The following TUSC3 variants were observed in gnomAD, a reference collection of about 807,000 sequenced individuals.
The protein encoded by TUSC3 is dolichyl-diphosphooligosaccharide--protein glycosyltransferase subunit TUSC3.
Under a neutral mutation model 44.8 loss-of-function variants are expected in TUSC3, and 45 were observed. The ratio of observed to expected loss-of-function variants is 1.00; its 90% CI spans 0.79 to 1.29. The LOEUF is 1.29. Ranked by LOEUF, TUSC3 falls within the 50% of genes most tolerant of loss-of-function variation. TUSC3 has a pLI of 0.00. For synonymous variants in TUSC3, 212 were observed against 152.9 expected (o/e 1.39, Z -2.85); for missense variants, 519 against 437.9 (o/e 1.19, Z -1.65).
intron 1 of TUSC3, among the ~76,000 whole-genome samples, chr8:15,575,998 C>A (rs958909465): frequency 1.3e-5 from 2 of 151,868 alleles, no homozygotes; most frequent in East Asian, 3.9e-4. Flanking sequence ...ATAACTGTTT[C>A]ACATTTTGAA....
chr8:15,454,377 G>A (rs1800230410), intron 1 of TUSC3, among the ~76,000 whole-genome samples: 1 of 152,080 alleles, frequency 6.6e-6, no homozygotes, highest in Non-Finnish European at 1.5e-5. Context: ...GGCAAGCATC[G>A]AGGTTGCTGC....
At chr8:15,769,810 TAAAG>T (rs1812409503), downstream of TUSC3, among the ~76,000 whole-genome samples, 1 of 152,120 alleles carries the variant, frequency 6.6e-6, no homozygotes, top group Non-Finnish European at 1.5e-5. Context: ...CCACAAACGT[TAAAG>T]AAAGCTCATC....
chr8:15,719,307 C>CCATGTG (rs1810198915), intron 6 of TUSC3, among the ~76,000 whole-genome samples: 1 of 151,958 alleles, frequency 6.6e-6, no homozygotes, highest in South Asian at 2.1e-4. Flanking sequence ...CCCCCAGAAT[C>CCATGTG]CATGTGACTA....
At chr8:15,725,040 A>G (rs1393858490) in intron 6 of TUSC3, among the ~76,000 whole-genome samples, 1 of 152,160 alleles carries the variant, frequency 6.6e-6, no homozygotes, top group Non-Finnish European at 1.5e-5. Flanking sequence ...TCTTAGTTTC[A>G]TTTGTCATTT....
intron 2 of TUSC3, among the ~76,000 whole-genome samples, chr8:15,507,517 A>T (rs942495935): frequency 2.0e-5 from 3 of 152,140 alleles, no homozygotes; most frequent in African/African-American, 7.2e-5. Flanking sequence ...TAATTTCTAT[A>T]ATTAAGGAAA....
chr8:15,471,473 T>A (rs1800493106), intron 1 of TUSC3, among the ~76,000 whole-genome samples: 1 of 152,192 alleles, frequency 6.6e-6, no homozygotes, highest in Non-Finnish European at 1.5e-5. Context: ...AATATCTTAA[T>A]ACTAATAAAA....
At chr8:15,676,526 T>G (rs1808197731) in intron 6 of TUSC3, among the ~76,000 whole-genome samples, 1 of 152,208 alleles carries the variant, frequency 6.6e-6, no homozygotes, top group African/African-American at 2.4e-5. Context: ...TTTTGAGGTC[T>G]TATCCATAAA....
intron 1 of TUSC3, among the ~76,000 whole-genome samples, chr8:15,417,828 A>C (rs965748883): frequency 6.6e-5 from 10 of 152,126 alleles, no homozygotes; most frequent in Admixed American, 4.6e-4. Flanking sequence ...TGTGCTGTTG[A>C]ATAAGACTGC....
intron 1 of TUSC3, among the ~76,000 whole-genome samples, chr8:15,615,677 C>T (rs1804957367): frequency 6.6e-6 from 1 of 151,980 alleles, no homozygotes; most frequent in Admixed American, 6.6e-5. Flanking sequence ...TTCTAATTAC[C>T]CTGATTTAAA....
chr8:15,629,997 T>A (rs1805688882), intron 2 of TUSC3, among the ~76,000 whole-genome samples: 1 of 138,332 alleles, frequency 7.2e-6, no homozygotes, highest in African/African-American at 2.6e-5. Context: ...TCACCTCCCT[T>A]AAGTGTTAGC....
At chr8:15,608,996 A>C (rs910508286) in intron 1 of TUSC3, among the ~76,000 whole-genome samples, 7 of 152,160 alleles carry the variant, frequency 4.6e-5, no homozygotes, top group African/African-American at 1.7e-4. Context: ...GTTGATGAAA[A>C]ACAAGCGTTG....
intron 1 of TUSC3, among the ~76,000 whole-genome samples, chr8:15,480,309 T>G (rs1800640744): frequency 1.3e-5 from 2 of 152,228 alleles, no homozygotes; most frequent in Admixed American, 1.3e-4. Flanking sequence ...ACTGACATTC[T>G]TCACATAATT....
chr8:15,850,937 G>A, the TUSC3 span, among the ~76,000 whole-genome samples: 6 of 152,134 alleles, frequency 3.9e-5, no homozygotes, highest in Non-Finnish European at 7.4e-5. Context: ...CCTACACTGA[G>A]GAAGCTCTTT....
chr8:15,506,169 A>G (rs2129127650), intron 2 of TUSC3, among the ~76,000 whole-genome samples: 1 of 152,304 alleles, frequency 6.6e-6, no homozygotes, highest in South Asian at 2.1e-4. Context: ...GCTGGGGCTT[A>G]GAAAACAGTA....
chr8:15,672,805 G>A (rs139282445), intron 5 of TUSC3, among the ~76,000 whole-genome samples: 2 of 151,972 alleles, frequency 1.3e-5, no homozygotes, highest in Non-Finnish European at 2.9e-5. Flanking sequence ...AAAAAATTGT[G>A]CAAACTAGAA....
chr8:15,455,650 C>T lies in TUSC3; in HGVS notation n.92-27736C>T, dbSNP rs574638586. On this transcript the variant is annotated intron_variant and non_coding_transcript_variant, in intron 1 of 5. Coordinates refer to the TUSC3 transcript ENST00000503191. Reference sequence around the variant, plus strand: ...AAAATAGGCTTCTAGCCAATGAGACCACCTTTGCAAAAATTCTATCAGTGA... The same window carrying T: ...AAAATAGGCTTCTAGCCAATGAGACTACCTTTGCAAAAATTCTATCAGTGA... Among the ~76,000 whole-genome samples the T allele has an allele frequency of 1.1e-4, 17 of 152,200 alleles. No individual in the cohort carries two copies. The South Asian group carries it at 3.3e-3, about 30-fold the overall frequency.
chr8:15,500,530 T>TCAGTTTGTAAAC (rs1336003845), intron 2 of TUSC3, among the ~76,000 whole-genome samples: 13 of 152,314 alleles, frequency 8.5e-5, no homozygotes, highest in African/African-American at 3.1e-4. Context: ...AGCATTTCAG[T>TCAGTTTGTAAAC]TGATCTAAGA....
the TUSC3 span, among the ~76,000 whole-genome samples, chr8:15,815,306 A>C: frequency 6.6e-6 from 1 of 152,206 alleles, no homozygotes; most frequent in East Asian, 1.9e-4. Flanking sequence ...ATAATCATGG[A>C]AGGTTCTTGG....
At chr8:15,782,755 G>A in the TUSC3 span, among the ~76,000 whole-genome samples, 1 of 152,112 alleles carries the variant, frequency 6.6e-6, no homozygotes, top group East Asian at 1.9e-4. Flanking sequence ...TAAAAGCCAT[G>A]TATGACAAGC....
Sources: gnomAD v4.1 joint callset for allele counts (sites outside exome capture counted in the v4.1 genomes callset) on GRCh38, gnomAD v4.1.1 for gene constraint, MANE v1.5 for transcripts, NCBI Gene and HGNC (gene_info 2026-07-23, HGNC 2026-07-21) for gene names.